MSH3: variants seen among roughly 807,000 people sequenced by gnomAD.
MSH3 encodes the protein mutS homolog 3.
A neutral mutation model predicts 123.3 loss-of-function variants in MSH3; 106 were observed. The observed-to-expected ratio is 0.86, with a 90% CI of 0.73 to 1.01. The LOEUF is 1.01. Among genes scored for constraint, MSH3 ranks in the 50% least tolerant of loss-of-function variants. The probability of loss-of-function intolerance (pLI) is 0.00; values close to 1 mark genes in which losing one functional copy is unlikely to be tolerated. For synonymous variants in MSH3, 515 were observed against 481.4 expected (o/e 1.07, Z -0.91); for missense variants, 1,459 against 1,347.6 (o/e 1.08, Z -1.29).
intron 20 of MSH3, among the ~76,000 whole-genome samples, chr5:80,817,575 T>A (rs32995): frequency 0.59 from 88,925 of 151,852 alleles, 26,280 homozygotes; most frequent in East Asian, 0.73. Flanking sequence ...ATAAATAAAT[T>A]AATTAATTAA....
At position 80,876,184 on chromosome 5, in the gene MSH3, A is replaced by G. The variant is rs1474185362; in HGVS notation, c.*322A>G. On this transcript the variant is annotated 3_prime_UTR_variant, in exon 24 of 24. Coordinates refer to ENST00000265081, the MANE Select transcript of MSH3 (RefSeq NM_002439.5). ...AGGGTGATATAAAAATTTACTTGATATTTTTATTTGTTTCAGTTCAGATAA... is the reference window on the plus strand; with the variant it reads ...AGGGTGATATAAAAATTTACTTGATGTTTTTATTTGTTTCAGTTCAGATAA... 1 of 299,912 alleles carries G rather than the reference A, an allele frequency of 3.3e-6. No homozygotes were observed. The highest frequency in any genetic ancestry group is 5.3e-5 in the East Asian group (1 of 18,872). The allele number at this position is 299,912 out of a possible 1,614,324, so 18.6% of individuals were successfully genotyped here.
At chr5:80,693,561 A>G (rs914592523) in intron 8 of MSH3, among the ~76,000 whole-genome samples, 10 of 151,344 alleles carry the variant, frequency 6.6e-5, no homozygotes, top group Non-Finnish European at 5.9e-5. Flanking sequence ...GTATGTGTTT[A>G]TATAAATATA....
chr5:80,843,555 G>T (rs1237387144), intron 20 of MSH3, among the ~76,000 whole-genome samples: 1 of 152,104 alleles, frequency 6.6e-6, no homozygotes, highest in Non-Finnish European at 1.5e-5. Context: ...TGGTTGGTGG[G>T]CTATTAATTA....
chr5:80,770,316 A>G (rs397628), intron 15 of MSH3, among the ~76,000 whole-genome samples: 9,377 of 151,170 alleles, frequency 0.062, 395 homozygotes, highest in Non-Finnish European at 0.092. Flanking sequence ...GTAAGTGCCA[A>G]TTCTACCATT....
rs920959126 is a variant in MSH3 at position 80,756,551 on chromosome 5, A to G, written c.1764-4995A>G. On this transcript the variant is annotated intron_variant, in intron 12 of 23. Transcript: ENST00000265081. ...ATAGCTAATCTTTTACTCAATAGCT[A>G]CCCCCAGGAAATCCTCCCTGATCCT... 1.9e-4 allele frequency among the ~76,000 whole-genome samples: 29 copies of G among 152,022 alleles called. 1 individual carries two copies. Among genetic ancestry groups the G allele is most frequent in the Non-Finnish European group, 2.9e-5 (2 of 68,000 alleles).
intron 12 of MSH3, among the ~76,000 whole-genome samples, chr5:80,747,413 C>G (rs1164263391): frequency 6.6e-6 from 1 of 152,134 alleles, no homozygotes; most frequent in Non-Finnish European, 1.5e-5. Flanking sequence ...GCCAGGCATT[C>G]AACACTGATG....
chr5:80,733,276 G>A (rs1183344880), intron 10 of MSH3, among the ~76,000 whole-genome samples: 2 of 152,114 alleles, frequency 1.3e-5, no homozygotes, highest in African/African-American at 2.4e-5. Flanking sequence ...AACTGTCTGT[G>A]CAAGAGAATG....
At chr5:80,773,803 T>A (rs1331090294) in intron 15 of MSH3, among the ~76,000 whole-genome samples, 1 of 152,250 alleles carries the variant, frequency 6.6e-6, no homozygotes, top group Non-Finnish European at 1.5e-5. Context: ...ATTCTTGCTC[T>A]GTCGTCCAGG....
At chr5:80,796,482 T>C (rs1209891181) in intron 19 of MSH3, among the ~76,000 whole-genome samples, 1 of 152,134 alleles carries the variant, frequency 6.6e-6, no homozygotes, top group Non-Finnish European at 1.5e-5. Flanking sequence ...ATTCTATTTT[T>C]CAGGGTAAAA....
At chr5:80,725,717 A>G (rs1390508900) in intron 9 of MSH3, 152 bp downstream of exon 9, 10 of 678,210 alleles carry the variant, frequency 1.5e-5, no homozygotes, top group Admixed American at 2.1e-5. Flanking sequence ...CAGAAACACT[A>G]TTGTACTGCA....
chr5:80,866,376 T>A (rs1746098998), intron 22 of MSH3, among the ~76,000 whole-genome samples: 1 of 152,168 alleles, frequency 6.6e-6, no homozygotes, highest in Admixed American at 6.5e-5. Context: ...TGAATTCAAG[T>A]GATCCTCCTG....
chr5:80,741,925 A>T (rs929621000), intron 11 of MSH3, among the ~76,000 whole-genome samples: 4 of 41,682 alleles, frequency 9.6e-5, no homozygotes, highest in African/African-American at 2.0e-4. Context: ...TTGCAGTCTT[A>T]TTTAATTATT....
chr5:80,753,025 G>A (rs1743864149), intron 12 of MSH3, among the ~76,000 whole-genome samples: 2 of 152,106 alleles, frequency 1.3e-5, no homozygotes, highest in South Asian at 2.1e-4. Context: ...TAGAGATACA[G>A]GTAGGCTGGT....
intron 13 of MSH3, among the ~76,000 whole-genome samples, chr5:80,767,634 A>G (rs1401565368): frequency 1.3e-5 from 2 of 152,040 alleles, no homozygotes; most frequent in Non-Finnish European, 2.9e-5. Flanking sequence ...ATTATCCTTC[A>G]CATTTTTTAA....
In MSH3 at chr5:80,753,522, T is replaced by C. The variant is rs1333221818; in HGVS notation, c.1764-8024T>C. Among the ~76,000 whole-genome samples, 4 of 152,298 alleles carry C rather than the reference T, an allele frequency of 2.6e-5. No homozygotes were observed. In the South Asian group the frequency reaches 8.3e-4, roughly 32 times the overall value. On this transcript the variant is annotated intron_variant, in intron 12 of 23. Transcript: ENST00000265081. The stretch of plus-strand genomic sequence containing the variant: ...CTTTTATTTATGCTCTAAACTTGAC[T>C]AGTTCTGGGAATTGAGGAATCTCAA...
At chr5:80,744,133 G>A (rs1042119298) in intron 11 of MSH3, among the ~76,000 whole-genome samples, 2 of 152,138 alleles carry the variant, frequency 1.3e-5, no homozygotes, top group Non-Finnish European at 2.9e-5. Flanking sequence ...TGTCATGAGA[G>A]CATTGGTTTA....
chr5:80,777,321 AT>A (rs3839309), intron 16 of MSH3, among the ~76,000 whole-genome samples: 52,839 of 151,462 alleles, frequency 0.35, 9,392 homozygotes, highest in East Asian at 0.58. Flanking sequence ...TGTACTTTAG[AT>A]TTGAGTATTG....
intron 7 of MSH3, 147 bp downstream of exon 7, chr5:80,675,275 A>G (rs1249655892): frequency 2.1e-6 from 2 of 969,500 alleles, no homozygotes; most frequent in East Asian, 4.9e-5. Flanking sequence ...ACAATATTAT[A>G]TGTTAAATCG....
At chr5:80,693,486 T>C (rs1309448648) in intron 8 of MSH3, among the ~76,000 whole-genome samples, 1 of 145,694 alleles carries the variant, frequency 6.9e-6, no homozygotes, top group Non-Finnish European at 1.5e-5. Flanking sequence ...TTTATATAAA[T>C]ATGCACATGT....
Sources: gnomAD v4.1 joint callset for allele counts (sites outside exome capture counted in the v4.1 genomes callset) on GRCh38, gnomAD v4.1.1 for gene constraint, MANE v1.5 for transcripts, NCBI Gene and HGNC (gene_info 2026-07-23, HGNC 2026-07-21) for gene names.